The following DEFB121 variants were observed in gnomAD, a reference collection of about 807,000 sequenced individuals.
DEFB121 encodes beta-defensin 121.
DEFB121 carries 5 observed loss-of-function variants against 2.5 expected under a neutral mutation model. The observed-to-expected ratio is 1.96, with a 90% CI of 1.03 to 4.13. The LOEUF (loss-of-function observed/expected upper bound fraction) is 4.13, where lower values mean the gene tolerates loss of function less well. DEFB121 is among the 30% of genes most tolerant of loss of function. The pLI is 0.00. For missense variants in DEFB121, 87 were observed against 85.0 expected, an observed-to-expected ratio of 1.02 and a Z score of -0.09; for synonymous variants, 39 against 32.6, an observed-to-expected ratio of 1.20 and a Z score of -0.67.
At chr20:31,413,940 G>A (rs949617613), upstream of DEFB121, among the ~76,000 whole-genome samples, 1 of 152,224 alleles carries the variant, frequency 6.6e-6, no homozygotes, top group Non-Finnish European at 1.5e-5. Flanking sequence ...GGGTAAGGTG[G>A]CTCACGCCTG....
At chr20:31,414,792 T>A (rs1600534694), upstream of DEFB121, among the ~76,000 whole-genome samples, 1 of 152,340 alleles carries the variant, frequency 6.6e-6, no homozygotes, top group East Asian at 1.9e-4. Context: ...AGCTCACGCC[T>A]GTAGTCCCAG....
upstream of DEFB121, among the ~76,000 whole-genome samples, chr20:31,415,075 T>A (rs1336817529): frequency 4.6e-5 from 7 of 152,030 alleles, no homozygotes; most frequent in Admixed American, 3.9e-4. Context: ...TCAAAAAATT[T>A]AAAAAAATGT....
upstream of DEFB121, among the ~76,000 whole-genome samples, chr20:31,408,755 G>A (rs918652033): frequency 4.3e-4 from 65 of 152,322 alleles, no homozygotes; most frequent in African/African-American, 1.3e-3. Context: ...GCTGGGCATG[G>A]TGGCTCACGC....
upstream of DEFB121, among the ~76,000 whole-genome samples, chr20:31,406,806 T>C (rs1488462497): frequency 2.0e-5 from 3 of 152,142 alleles, no homozygotes; most frequent in Non-Finnish European, 4.4e-5. Context: ...TTTTTTATTA[T>C]TACTTATTTT....
In DEFB121 at chr20:31,412,806, G is replaced by A. The variant is rs1285238907; in HGVS notation, n.33C>T. 2.8e-5 allele frequency: 16 copies of A among 575,118 alleles called. No homozygotes were observed. The Admixed American group carries it at 3.7e-4, about 13-fold the overall frequency. 35.6% of individuals were successfully genotyped at this position (575,118 alleles called of 1,614,324 possible). ...TTGCATCTCAAATCTAAGACCCAGA[G>A]GGCTCACCCAGAGTCGAGGCTCAAG... is the stretch of plus-strand genomic sequence containing the variant. On this transcript the variant is annotated non_coding_transcript_exon_variant, in exon 1 of 2. Coordinates refer to the DEFB121 transcript ENST00000376312.
chr20:31,405,356 T>C (rs1175134833), intron 1 of DEFB121, among the ~76,000 whole-genome samples: 2 of 152,026 alleles, frequency 1.3e-5, no homozygotes, highest in Non-Finnish European at 2.9e-5. Context: ...GGCCAGCTCC[T>C]TGGGAGGGGG....
chr20:31,409,228 A>G (rs1471788990), upstream of DEFB121, among the ~76,000 whole-genome samples: 1 of 152,258 alleles, frequency 6.6e-6, no homozygotes, highest in Non-Finnish European at 1.5e-5. Context: ...ACATAAACTT[A>G]TCATACAACC....
chr20:31,416,491 A>G (rs528643278), upstream of DEFB121, among the ~76,000 whole-genome samples: 1 of 152,370 alleles, frequency 6.6e-6, no homozygotes, highest in African/African-American at 2.4e-5. Flanking sequence ...TTTTGGAAAT[A>G]CAGAGCCATT....
upstream of DEFB121, among the ~76,000 whole-genome samples, chr20:31,416,822 G>C (rs1401533801): frequency 6.6e-6 from 1 of 152,106 alleles, no homozygotes; most frequent in Non-Finnish European, 1.5e-5. Context: ...CAACTATCAT[G>C]GGTCTATTTG....
chr20:31,411,956 C>A (rs1190392636), intron 1 of DEFB121, among the ~76,000 whole-genome samples: 1 of 152,212 alleles, frequency 6.6e-6, no homozygotes, highest in African/African-American at 2.4e-5. Flanking sequence ...AAACTCAGAA[C>A]CTGTTCCCTG....
At chr20:31,410,444 A>G (rs967091789), upstream of DEFB121, among the ~76,000 whole-genome samples, 1 of 152,230 alleles carries the variant, frequency 6.6e-6, no homozygotes, top group African/African-American at 2.4e-5. Flanking sequence ...GATACATCAT[A>G]GGAGTTAAAC....
At chr20:31,406,070 A>G in intron 1 of DEFB121, 25 bp downstream of exon 1, 1 of 1,613,628 alleles carries the variant, frequency 6.2e-7, no homozygotes, top group Non-Finnish European at 8.5e-7. Flanking sequence ...CCTGACTCCC[A>G]TCCCCTTCTG....
rs142617481 is a variant in DEFB121 at position 31,405,044 on chromosome 20, A to T, written c.100T>A (p.Cys34Ser). The change falls in exon 2 of 2, where the codon TGT becomes AGT. Residue 34 changes from cysteine (C) to serine (S), a missense_variant. Cys to Ser is a moderately radical substitution (Grantham distance 112). Transcript: ENST00000376314. ...ATATAGTATACTTCACTTTCTTTAC[A>T]TGTTGTTCTGCACCTGCCTGACTTG... ...WGKSGRCRTTCKESEVYYILC... is the reference protein window; with the variant it reads ...WGKSGRCRTTSKESEVYYILC... 4.8e-5 allele frequency: 78 copies of T among 1,610,612 alleles called. No individual in the cohort carries two copies. The African/African-American group carries it at 9.6e-4, about 20-fold the overall frequency.
intron 1 of DEFB121, among the ~76,000 whole-genome samples, chr20:31,411,811 T>C (rs968760738): frequency 4.6e-5 from 7 of 152,230 alleles, no homozygotes; most frequent in Non-Finnish European, 1.0e-4. Flanking sequence ...CAATTCAGTG[T>C]ACTCAACCCC....
upstream of DEFB121, chr20:31,412,878 G>A (rs79134092): frequency 5.9e-3 from 1,635 of 276,846 alleles, 14 homozygotes; most frequent in Non-Finnish European, 9.9e-3. Context: ...AACTCTGTTC[G>A]GGCACTGGTG....
chr20:31,409,330 A>G (rs1045516570), upstream of DEFB121, among the ~76,000 whole-genome samples: 1 of 152,220 alleles, frequency 6.6e-6, no homozygotes, highest in Non-Finnish European at 1.5e-5. Context: ...TATTCACCAT[A>G]AGTGAAAACA....
upstream of DEFB121, among the ~76,000 whole-genome samples, chr20:31,407,771 T>C (rs181156126): frequency 7.2e-5 from 11 of 152,314 alleles, no homozygotes; most frequent in Admixed American, 6.5e-4. Context: ...AAGGTCTATC[T>C]TTCTTTTCTT....
chr20:31,410,535 G>A (rs763446782), upstream of DEFB121, among the ~76,000 whole-genome samples: 6 of 152,150 alleles, frequency 3.9e-5, no homozygotes, highest in Non-Finnish European at 5.9e-5. Context: ...AATAAAATAA[G>A]AGAAGGGCTT....
intron 1 of DEFB121, among the ~76,000 whole-genome samples, chr20:31,412,210 G>C (rs1337696403): frequency 1.3e-5 from 2 of 152,228 alleles, no homozygotes; most frequent in African/African-American, 2.4e-5. Flanking sequence ...ATAAGGCTTG[G>C]AAATTTTCTG....
Sources: gnomAD v4.1 joint callset for allele counts (sites outside exome capture counted in the v4.1 genomes callset) on GRCh38, gnomAD v4.1.1 for gene constraint, MANE v1.5 for transcripts, NCBI Gene and HGNC (gene_info 2026-07-23, HGNC 2026-07-21) for gene names.